The following SNX29 variants were observed in gnomAD, a reference collection of about 807,000 sequenced individuals.
The protein encoded by SNX29 is sorting nexin 29.
Under a neutral mutation model 102.1 loss-of-function variants are expected in SNX29, and 78 were observed. The observed-to-expected ratio is 0.76, with a 90% CI of 0.64 to 0.92. SNX29 has a LOEUF of 0.92. Ranked by LOEUF, SNX29 falls within the 40% of genes least tolerant of loss-of-function variation. The pLI, the probability that SNX29 is intolerant of heterozygous loss-of-function variation, is 0.00. For synonymous variants in SNX29, 580 were observed against 414.5 expected (o/e 1.40, Z -4.85); for missense variants, 1,280 against 1,061.7 (o/e 1.21, Z -2.86).
intron 16 of SNX29, among the ~76,000 whole-genome samples, chr16:12,394,227 A>G (rs1369152677): frequency 6.6e-6 from 1 of 152,204 alleles, no homozygotes; most frequent in African/African-American, 2.4e-5. Context: ...TTCTTCACCC[A>G]TCAGAGGTCC....
At chr16:12,200,969 G>A (rs2076900843) in intron 14 of SNX29, among the ~76,000 whole-genome samples, 1 of 152,206 alleles carries the variant, frequency 6.6e-6, no homozygotes, top group Admixed American at 6.5e-5. Flanking sequence ...AATAAATGGT[G>A]GTGGTTTTTT....
intron 20 of SNX29, among the ~76,000 whole-genome samples, chr16:12,564,119 T>TGG (rs2078886546): frequency 6.6e-6 from 1 of 152,168 alleles, no homozygotes; most frequent in Non-Finnish European, 1.5e-5. Context: ...TTGGGTGTGG[T>TGG]GGATCGTGCC....
intron 19 of SNX29, among the ~76,000 whole-genome samples, chr16:12,509,590 C>T (rs937239843): frequency 1.8e-4 from 28 of 152,148 alleles, no homozygotes; most frequent in African/African-American, 6.3e-4. Flanking sequence ...AAATATCTTT[C>T]CTTTTTGTTT....
At chr16:12,271,862 A>G (rs1177036737) in intron 14 of SNX29, among the ~76,000 whole-genome samples, 1 of 152,152 alleles carries the variant, frequency 6.6e-6, no homozygotes, top group African/African-American at 2.4e-5. Context: ...ACCTCAAGTG[A>G]TCCGCCTGCC....
At chr16:12,037,434 T>A (rs935581149) in intron 4 of SNX29, among the ~76,000 whole-genome samples, 4 of 152,150 alleles carry the variant, frequency 2.6e-5, no homozygotes, top group African/African-American at 9.7e-5. Flanking sequence ...ACACTCACTT[T>A]GGCCACAAAA....
At position 12,224,288 on chromosome 16, in the gene SNX29, C is replaced by T. The variant is rs543435261; in HGVS notation, c.1678+24605C>T. 4.0e-4 allele frequency among the ~76,000 whole-genome samples: 61 copies of T among 152,274 alleles called. 1 individual carries two copies. Among genetic ancestry groups the T allele is most frequent in the African/African-American group, 1.3e-3 (53 of 41,566 alleles). ...CTTTTTCCTTTCCTCTCCTTCCTCC[C>T]TCCTTCTTTCTCTCTCCCTCTCAAT... On this transcript the variant is annotated intron_variant, in intron 14 of 20. Coordinates refer to ENST00000566228, the MANE Select transcript of SNX29 (RefSeq NM_032167.5).
chr16:12,552,322 A>T (rs139461639), intron 20 of SNX29, among the ~76,000 whole-genome samples: 29 of 152,202 alleles, frequency 1.9e-4, no homozygotes, highest in Non-Finnish European at 3.5e-4. Context: ...GTGATAATGG[A>T]ACTCCTCTCC....
chr16:12,495,435 A>G (rs546106885), intron 19 of SNX29, among the ~76,000 whole-genome samples: 1 of 152,312 alleles, frequency 6.6e-6, no homozygotes, highest in African/African-American at 2.4e-5. Context: ...GGTGTGAGCC[A>G]CCATGCCTGG....
intron 20 of SNX29, among the ~76,000 whole-genome samples, chr16:12,560,484 C>T (rs749860264): frequency 2.6e-5 from 4 of 152,176 alleles, no homozygotes; most frequent in South Asian, 4.1e-4. Flanking sequence ...ACACTTACCT[C>T]CTGCTTTTCT....
chr16:12,458,032 C>G (rs959250120), intron 18 of SNX29, among the ~76,000 whole-genome samples: 1 of 152,100 alleles, frequency 6.6e-6, no homozygotes, highest in African/African-American at 2.4e-5. Flanking sequence ...GCAAAAATTC[C>G]TAAATTGGAT....
intron 18 of SNX29, among the ~76,000 whole-genome samples, chr16:12,423,090 C>T (rs1356062376): frequency 3.3e-5 from 5 of 152,056 alleles, no homozygotes; most frequent in African/African-American, 9.7e-5. Context: ...GAGGTGAATA[C>T]GAGGTGATAC....
intron 19 of SNX29, among the ~76,000 whole-genome samples, chr16:12,513,870 A>G (rs1388112451): frequency 1.3e-5 from 2 of 152,224 alleles, no homozygotes; most frequent in African/African-American, 4.8e-5. Flanking sequence ...TGTTGCTCTC[A>G]GATGTCTCTG....
intron 20 of SNX29, among the ~76,000 whole-genome samples, chr16:12,566,816 C>A (rs72775241): frequency 1.3e-5 from 2 of 152,184 alleles, no homozygotes; most frequent in African/African-American, 4.8e-5. Context: ...TGATTCAGAG[C>A]AGCTCCGGCT....
chr16:12,542,293 C>G (rs886359642), intron 20 of SNX29, among the ~76,000 whole-genome samples: 2 of 152,118 alleles, frequency 1.3e-5, no homozygotes, highest in Non-Finnish European at 2.9e-5. Flanking sequence ...GGAACTTGCC[C>G]AAGATCACAG....
intron 15 of SNX29, among the ~76,000 whole-genome samples, chr16:12,335,536 C>T (rs1165079261): frequency 6.6e-6 from 1 of 152,056 alleles, no homozygotes; most frequent in Non-Finnish European, 1.5e-5. Context: ...ATTAGCTGGG[C>T]ATGGTTGCAT....
chr16:12,545,372 G>T (rs1034926961), intron 20 of SNX29: 1 of 152,200 alleles, frequency 6.6e-6, no homozygotes, highest in Non-Finnish European at 1.5e-5. Context: ...ACAACCCATT[G>T]TCACACAATA....
chr16:12,499,368 G>T (rs926471383), intron 19 of SNX29, among the ~76,000 whole-genome samples: 3 of 152,230 alleles, frequency 2.0e-5, no homozygotes, highest in Non-Finnish European at 4.4e-5. Flanking sequence ...CCAGGTGACT[G>T]ACGGGGGTGC....
chr16:12,559,201 G>C (rs1336612270), intron 20 of SNX29, among the ~76,000 whole-genome samples: 1 of 152,052 alleles, frequency 6.6e-6, no homozygotes, highest in Non-Finnish European at 1.5e-5. Flanking sequence ...CAGTGGGTGA[G>C]CAGCGCTTCG....
At chr16:12,278,474 GAAAA>G (rs201964056) in intron 15 of SNX29, among the ~76,000 whole-genome samples, 3 of 145,024 alleles carry the variant, frequency 2.1e-5, no homozygotes, top group Non-Finnish European at 1.5e-5. Flanking sequence ...CAAAAGAAAA[GAAAA>G]AAAAAACCAA....
Sources: gnomAD v4.1 joint callset for allele counts (sites outside exome capture counted in the v4.1 genomes callset) on GRCh38, gnomAD v4.1.1 for gene constraint, MANE v1.5 for transcripts, NCBI Gene and HGNC (gene_info 2026-07-23, HGNC 2026-07-21) for gene names.